The following OR6K3 variants were observed in gnomAD, a reference collection of about 807,000 sequenced individuals.
OR6K3 encodes the protein olfactory receptor family 6 subfamily K member 3.
For missense variants in OR6K3, 396 were observed against 382.5 expected (o/e 1.04, Z -0.29); for synonymous variants, 169 against 137.7 (o/e 1.23, Z -1.59).
At chr1:158,723,385 C>T (rs1422036941), upstream of OR6K3, among the ~76,000 whole-genome samples, 6 of 151,900 alleles carry the variant, frequency 3.9e-5, no homozygotes, top group Non-Finnish European at 5.9e-5. Context: ...ATAATAACAA[C>T]AAATATACTA....
At chr1:158,724,107 C>T (rs538010894), upstream of OR6K3, 1 of 152,620 alleles carries the variant, frequency 6.6e-6, no homozygotes, top group South Asian at 2.1e-4. Flanking sequence ...TGCCTATGAG[C>T]TAGCATTAAT....
chr1:158,719,930 C>CG, intron 1 of OR6K3, among the ~76,000 whole-genome samples: 1 of 152,046 alleles, frequency 6.6e-6, no homozygotes, highest in South Asian at 2.1e-4. Context: ...ATGATTATCC[C>CG]CATTTTACAG....
chr1:158,719,412 A>T (rs1208581125), intron 1 of OR6K3, among the ~76,000 whole-genome samples: 1 of 151,904 alleles, frequency 6.6e-6, no homozygotes, highest in Non-Finnish European at 1.5e-5. Context: ...TCTCTCTTTC[A>T]TAAGCTTCAC....
chr1:158,719,473 C>T (rs559623253), intron 1 of OR6K3, among the ~76,000 whole-genome samples: 9 of 152,090 alleles, frequency 5.9e-5, no homozygotes, highest in African/African-American at 9.6e-5. Flanking sequence ...TAACATTCTC[C>T]GACTCCTCTC....
chr1:158,716,913 T>G lies in OR6K3; in HGVS notation c.*255A>C. 3 of 336,788 alleles carry G rather than the reference T, an allele frequency of 8.9e-6. No homozygotes were observed. Among genetic ancestry groups the G allele is most frequent in the Admixed American group, 4.5e-5 (1 of 22,024 alleles). 20.9% of individuals were successfully genotyped at this position (336,788 alleles called of 1,614,324 possible). On this transcript the variant is annotated 3_prime_UTR_variant, in exon 2 of 2. Coordinates refer to ENST00000368145, the MANE Select transcript of OR6K3 (RefSeq NM_001005327.3). Reference sequence around the variant, plus strand: ...AGTTTGGATCACCTAAGGTCAGGAGTTCAAGACCAGCCTGACCAACACAGT... The same window carrying G: ...AGTTTGGATCACCTAAGGTCAGGAGGTCAAGACCAGCCTGACCAACACAGT...
At chr1:158,722,585 T>C (rs539512012), upstream of OR6K3, among the ~76,000 whole-genome samples, 106 of 152,132 alleles carry the variant, frequency 7.0e-4, 1 homozygote, top group Middle Eastern at 0.01. Context: ...ATCGGTTGTA[T>C]GTGGAATTTC....
chr1:158,722,566 A>AT (rs1412005021), upstream of OR6K3, among the ~76,000 whole-genome samples: 1 of 151,712 alleles, frequency 6.6e-6, no homozygotes, highest in Non-Finnish European at 1.5e-5. Flanking sequence ...AGCTTTAATT[A>AT]TTTTTTCCAT....
upstream of OR6K3, among the ~76,000 whole-genome samples, chr1:158,723,359 A>G (rs1189786763): frequency 6.6e-6 from 1 of 152,002 alleles, no homozygotes; most frequent in Non-Finnish European, 1.5e-5. Context: ...TTTGAATTCA[A>G]CTTGGCTCCA....
Position 158,717,144 on chromosome 1 carries a change from C to T in OR6K3, c.*24G>A, listed in dbSNP as rs753779664. 64 of 1,496,746 alleles carry T rather than the reference C, an allele frequency of 4.3e-5. No individual in the cohort carries two copies. Among genetic ancestry groups the T allele is most frequent in the Middle Eastern group, 1.8e-4 (1 of 5,670 alleles). The allele number at this position is 1,496,746 out of a possible 1,614,324, so 92.7% of individuals were successfully genotyped here. A position where few individuals can be genotyped will look rare whatever the true frequency, so the allele number is the denominator to read the frequency against. On this transcript the variant is annotated 3_prime_UTR_variant, in exon 2 of 2. Coordinates refer to ENST00000368145, the MANE Select transcript of OR6K3 (RefSeq NM_001005327.3). ...AAAAAACAAAACAAAACAAAAGCAA[C>T]GGAAGGGAACCTGTGGCTCTGTATT... is the stretch of plus-strand genomic sequence containing the variant.
In OR6K3 at chr1:158,717,684, G is replaced by C. The variant is rs1371579580; in HGVS notation, c.432C>G (p.Leu144=). ...MIMTPRLCAQ[L]SAGSCLFGFL... Reference sequence around the variant, plus strand: ...AACCGAAGAGGCAGGAACCTGCAGAGAGTTGAGCACAGAGCCGGGGGGTCA... The same window carrying C: ...AACCGAAGAGGCAGGAACCTGCAGACAGTTGAGCACAGAGCCGGGGGGTCA... The change falls in exon 2 of 2, where the codon CTC becomes CTG. Residue 144 remains leucine (L), a synonymous_variant. Transcript: ENST00000368145. 6.2e-7 allele frequency: 1 copy of C among 1,613,872 alleles called. No individual in the cohort carries two copies. Among genetic ancestry groups the C allele is most frequent in the South Asian group, 1.1e-5 (1 of 91,072 alleles).
rs1162956033 is a variant in OR6K3, at chr1:158,717,749, A to G, written c.367T>C (p.Tyr123His). The change falls in exon 2 of 2, where the codon TAC becomes CAC. Residue 123 changes from tyrosine (Y) to histidine (H), a missense_variant. Tyr to His is a moderately conservative substitution (Grantham distance 83). Coordinates refer to ENST00000368145, the MANE Select transcript of OR6K3 (RefSeq NM_001005327.3). The stretch of plus-strand genomic sequence containing the variant: ...CGAAGAGGGTTGCAGATGGCAACGT[A>G]TCTGTCAATGGCCATGGTGGTCAGC... ...ILLTTMAIDR[Y>H]VAICNPLRYQ... 2.5e-6 allele frequency: 4 copies of G among 1,613,844 alleles called. No individual in the cohort carries two copies. The highest frequency in any genetic ancestry group is 3.4e-6 in the Non-Finnish European group (4 of 1,179,832).
chr1:158,721,006 T>G (rs1035036129), upstream of OR6K3, among the ~76,000 whole-genome samples: 2 of 152,046 alleles, frequency 1.3e-5, no homozygotes, highest in Non-Finnish European at 2.9e-5. Context: ...AGCACTTTCA[T>G]GATTGTCTCA....
rs747254747 is a variant in OR6K3 at position 158,717,721 on chromosome 1, T to C, written c.395A>G (p.Tyr132Cys). ...RYVAICNPLR[Y>C]QMIMTPRLCA... ...GAGCCGGGGGGTCATGATCATTTGA[T>C]AGCGAAGAGGGTTGCAGATGGCAAC... is the stretch of plus-strand genomic sequence containing the variant. Residue 132 changes from tyrosine to cysteine, a missense_variant, in exon 2 of 2, where the codon TAT (tyrosine) becomes TGT (cysteine). Tyr to Cys is a radical substitution (Grantham distance 194). Coordinates refer to ENST00000368145, the MANE Select transcript of OR6K3 (RefSeq NM_001005327.3). 65 of 1,613,698 alleles carry C rather than the reference T, an allele frequency of 4.0e-5. No homozygotes were observed. Among genetic ancestry groups the C allele is most frequent in the African/African-American group, 1.3e-5 (1 of 74,882 alleles).
At position 158,717,845 on chromosome 1, in the gene OR6K3, CCTT is replaced by C; in HGVS notation, c.268_270del (p.Lys90del). On this transcript the variant is annotated inframe_deletion, in exon 2 of 2. Coordinates refer to ENST00000368145, the MANE Select transcript of OR6K3 (RefSeq NM_001005327.3). The stretch of plus-strand genomic sequence containing the variant: ...AAGATGCAGCCAGTCATTGAGATGG[CCTT>C]CTTTTCACTGATGAGGTTGGAGAGC... The C allele has an allele frequency of 6.2e-7, 1 of 1,613,712 alleles. No homozygotes were observed. The highest frequency in any genetic ancestry group is 8.5e-7 in the Non-Finnish European group (1 of 1,179,758).
At chr1:158,722,431 T>G (rs73013608), upstream of OR6K3, among the ~76,000 whole-genome samples, 2,948 of 152,112 alleles carry the variant, frequency 0.019, 87 homozygotes, top group African/African-American at 0.066. Context: ...ACTTTTCATG[T>G]CCTTCTCTGA....
Position 158,717,014 on chromosome 1 carries a change from A to T in OR6K3, c.*154T>A. On this transcript the variant is annotated 3_prime_UTR_variant, in exon 2 of 2. Transcript: ENST00000368145. Reference sequence around the variant, plus strand: ...ATGCCTGTAATCGCGGCTACTAGGGAGGCTGAGGCAGGAGAATTGTTCAAA... The same window carrying T: ...ATGCCTGTAATCGCGGCTACTAGGGTGGCTGAGGCAGGAGAATTGTTCAAA... 1.6e-6 allele frequency: 1 copy of T among 626,574 alleles called. No homozygotes were observed. Among genetic ancestry groups the T allele is most frequent in the Non-Finnish European group, 2.9e-6 (1 of 347,014 alleles). 38.8% of individuals were successfully genotyped at this position (626,574 alleles called of 1,614,324 possible).
At chr1:158,720,947 A>G (rs1330604247), upstream of OR6K3, among the ~76,000 whole-genome samples, 2 of 151,680 alleles carry the variant, frequency 1.3e-5, no homozygotes, top group African/African-American at 4.8e-5. Context: ...AAATATATAT[A>G]TTTTTCCTGA....
At chr1:158,722,000 T>TG (rs1656292039), upstream of OR6K3, among the ~76,000 whole-genome samples, 1 of 152,120 alleles carries the variant, frequency 6.6e-6, no homozygotes, top group African/African-American at 2.4e-5. Context: ...GATTTGTGTC[T>TG]TAGAGTTAGT....
At position 158,719,055 on chromosome 1, in the gene OR6K3, G is replaced by T. The variant is rs113287179; in HGVS notation, c.-17-923C>A. On this transcript the variant is annotated intron_variant, in intron 1 of 1. Coordinates refer to ENST00000368145, the MANE Select transcript of OR6K3 (RefSeq NM_001005327.3). ...GCTAATTACTAATGGAAACTATCCAGTCATCTCTGGCACTCGACACTTTTC... is the reference window on the plus strand; with the variant it reads ...GCTAATTACTAATGGAAACTATCCATTCATCTCTGGCACTCGACACTTTTC... 1.5e-3 allele frequency among the ~76,000 whole-genome samples: 224 copies of T among 152,096 alleles called. 2 individuals are homozygous for T. The highest frequency in any genetic ancestry group is 6.8e-3 in the Middle Eastern group (2 of 294).
Sources: gnomAD v4.1 joint callset for allele counts (sites outside exome capture counted in the v4.1 genomes callset) on GRCh38, gnomAD v4.1.1 for gene constraint, MANE v1.5 for transcripts, NCBI Gene and HGNC (gene_info 2026-07-23, HGNC 2026-07-21) for gene names.